Variants in DZIP3 observed in about 807,000 individuals in gnomAD.
DZIP3 encodes the protein E3 ubiquitin-protein ligase DZIP3.
In DZIP3, 118 loss-of-function variants were observed where a neutral mutation model predicts 162.0. That is an observed-to-expected ratio of 0.73 (90% confidence interval 0.63 to 0.85). DZIP3 has a LOEUF of 0.85. Among genes scored for constraint, DZIP3 ranks in the 40% least tolerant of loss-of-function variants. The probability of loss-of-function intolerance (pLI) is 0.00; values close to 1 mark genes in which losing one functional copy is unlikely to be tolerated. For synonymous variants in DZIP3, 438 were observed against 458.6 expected, an observed-to-expected ratio of 0.96 and a Z score of 0.57; for missense variants, 1,331 against 1,407.0, an observed-to-expected ratio of 0.95 and a Z score of 0.86.
At chr3:108,681,745 C>T (rs1490867099) in intron 26 of DZIP3, among the ~76,000 whole-genome samples, 1 of 151,208 alleles carries the variant, frequency 6.6e-6, no homozygotes, top group East Asian at 1.9e-4. Flanking sequence ...GAATACTCTG[C>T]CGCCATAAAA....
intron 26 of DZIP3, among the ~76,000 whole-genome samples, chr3:108,681,418 A>G (rs535938557): frequency 1.3e-5 from 2 of 152,324 alleles, no homozygotes; most frequent in Admixed American, 1.3e-4. Context: ...GTCATTAAAA[A>G]GTCAGGAAAC....
intron 17 of DZIP3, 80 bp downstream of exon 17, chr3:108,649,042 T>G: frequency 1.2e-6 from 1 of 838,512 alleles, no homozygotes; most frequent in South Asian, 1.9e-5. Context: ...GAACTTAAAT[T>G]AGTTCAAGTA....
chr3:108,606,885 T>A (rs1302773183), intron 2 of DZIP3, among the ~76,000 whole-genome samples: 1 of 152,128 alleles, frequency 6.6e-6, no homozygotes, highest in Non-Finnish European at 1.5e-5. Flanking sequence ...ACAGTTGATT[T>A]TAATATGTAT....
At chr3:108,642,905 A>G (rs1942463198) in intron 13 of DZIP3, among the ~76,000 whole-genome samples, 1 of 152,182 alleles carries the variant, frequency 6.6e-6, no homozygotes, top group African/African-American at 2.4e-5. Context: ...TTTTGAGGCT[A>G]AGTAATCTAA....
chr3:108,614,630 T>C (rs1443716795), intron 4 of DZIP3, among the ~76,000 whole-genome samples: 1 of 152,144 alleles, frequency 6.6e-6, no homozygotes, highest in Middle Eastern at 3.2e-3. Context: ...CAGGGCCTTT[T>C]TTTCTAGAAC....
At chr3:108,663,471 G>A (rs973839767) in intron 21 of DZIP3, among the ~76,000 whole-genome samples, 3 of 151,400 alleles carry the variant, frequency 2.0e-5, no homozygotes, top group Non-Finnish European at 4.4e-5. Flanking sequence ...CAGGAGAATC[G>A]CTTGAACCCA....
At chr3:108,665,521 AAG>A (rs1943630602) in intron 21 of DZIP3, among the ~76,000 whole-genome samples, 3 of 151,868 alleles carry the variant, frequency 2.0e-5, no homozygotes, top group African/African-American at 7.3e-5. Context: ...GAATTTCAAA[AAG>A]AGAGCAGAAT....
Position 108,628,399 on chromosome 3 carries a change from T to G in DZIP3, c.582-663T>G, listed in dbSNP as rs559195491. On this transcript the variant is annotated intron_variant, in intron 7 of 32. Transcript: ENST00000361582. ...GATCCTAGGGTCTACTCATTGCATA[T>G]CAAAGCCCTAATTTTAGTGTAGTTC... is the stretch of plus-strand genomic sequence containing the variant. Among the ~76,000 whole-genome samples the G allele has an allele frequency of 2.0e-5, 3 of 152,332 alleles. No homozygotes were observed. In the South Asian group the frequency reaches 6.2e-4, roughly 32 times the overall value.
At chr3:108,612,278 C>T (rs956167424) in intron 4 of DZIP3, among the ~76,000 whole-genome samples, 2 of 152,022 alleles carry the variant, frequency 1.3e-5, no homozygotes, top group Non-Finnish European at 2.9e-5. Flanking sequence ...TGGTTATTTC[C>T]ATGAAACACA....
intron 1 of DZIP3, among the ~76,000 whole-genome samples, chr3:108,598,790 A>G (rs909760652): frequency 1.3e-5 from 2 of 152,182 alleles, no homozygotes; most frequent in African/African-American, 4.8e-5. Context: ...CCTTTGGAGT[A>G]TGTGCTTAGG....
chr3:108,677,872 T>C (rs1944168377), intron 26 of DZIP3, among the ~76,000 whole-genome samples: 1 of 152,010 alleles, frequency 6.6e-6, no homozygotes, highest in Admixed American at 6.6e-5. Context: ...TCACCTACCT[T>C]GTGGGAGCTA....
chr3:108,626,682 A>G (rs1185354712), intron 7 of DZIP3, among the ~76,000 whole-genome samples: 2 of 152,354 alleles, frequency 1.3e-5, no homozygotes, highest in East Asian at 3.9e-4. Context: ...TACAAAATAC[A>G]GTTCCTGTCT....
In DZIP3 at chr3:108,595,300, C is replaced by T. The variant is rs1350208412; in HGVS notation, c.-73+5461C>T. Among the ~76,000 whole-genome samples the T allele has an allele frequency of 2.0e-5, 3 of 152,154 alleles. No individual in the cohort carries two copies. The East Asian group carries it at 5.8e-4, about 29-fold the overall frequency. ...TGGCATGATTAATAGCTTATTGCAGCCTCTAGCTCCTGGGCTCAAGTAATC... is the reference window on the plus strand; with the variant it reads ...TGGCATGATTAATAGCTTATTGCAGTCTCTAGCTCCTGGGCTCAAGTAATC... On this transcript the variant is annotated intron_variant, in intron 1 of 32. Coordinates refer to ENST00000361582, the MANE Select transcript of DZIP3 (RefSeq NM_014648.4).
rs1179437380 is a variant in DZIP3 at position 108,647,950 on chromosome 3, A to C, written c.1800A>C (p.Glu600Asp). Residue 600 changes from glutamate (E) to aspartate (D), a missense_variant, in exon 16 of 33, where the codon GAA becomes GAC. Physicochemically the swap from Glu to Asp is conservative, Grantham distance 45. Coordinates refer to ENST00000361582, the MANE Select transcript of DZIP3 (RefSeq NM_014648.4). ...TTTGTCTTTTATGTTTAGGTATTGA[A>C]ATAGAAGAGTTACAGAATGAGGAAG... is the stretch of plus-strand genomic sequence containing the variant. ...LQSITGSQRI[E>D]IEELQNEEEE... 5 of 1,548,916 alleles carry C rather than the reference A, an allele frequency of 3.2e-6. No individual in the cohort carries two copies. Among genetic ancestry groups the C allele is most frequent in the Non-Finnish European group, 4.3e-6 (5 of 1,154,972 alleles).
At chr3:108,670,498 C>T (rs1943888181) in intron 22 of DZIP3, among the ~76,000 whole-genome samples, 1 of 151,852 alleles carries the variant, frequency 6.6e-6, no homozygotes, top group South Asian at 2.1e-4. Flanking sequence ...AATAATATTC[C>T]ATTCCTTGGC....
chr3:108,670,618 T>G (rs1943892173), intron 22 of DZIP3, among the ~76,000 whole-genome samples: 1 of 151,972 alleles, frequency 6.6e-6, no homozygotes, highest in African/African-American at 2.4e-5. Context: ...GGACATGTTT[T>G]TGTATTTCTT....
chr3:108,687,101 C>T (rs1944527476), intron 28 of DZIP3, among the ~76,000 whole-genome samples: 1 of 152,090 alleles, frequency 6.6e-6, no homozygotes, highest in Non-Finnish European at 1.5e-5. Context: ...TATATTCCTA[C>T]ACAAATGAAG....
chr3:108,609,318 A>G (rs1456539154), intron 3 of DZIP3, among the ~76,000 whole-genome samples: 1 of 152,168 alleles, frequency 6.6e-6, no homozygotes, highest in Non-Finnish European at 1.5e-5. Context: ...TATCGCTGTA[A>G]AAAATGCTGC....
At chr3:108,624,855 A>G (rs1941521534) in intron 6 of DZIP3, among the ~76,000 whole-genome samples, 1 of 152,078 alleles carries the variant, frequency 6.6e-6, no homozygotes, top group Non-Finnish European at 1.5e-5. Flanking sequence ...AATTAACTAG[A>G]TAATTTCTAA....
Sources: gnomAD v4.1 joint callset for allele counts (sites outside exome capture counted in the v4.1 genomes callset) on GRCh38, gnomAD v4.1.1 for gene constraint, MANE v1.5 for transcripts, NCBI Gene and HGNC (gene_info 2026-07-23, HGNC 2026-07-21) for gene names.